The following SSX5 variants were observed in gnomAD, a reference collection of about 807,000 sequenced individuals.
SSX5 encodes the protein SSX family member 5.
Under a neutral mutation model 14.9 loss-of-function variants are expected in SSX5, and 14 were observed. The observed-to-expected ratio is 0.94, with a 90% CI of 0.62 to 1.47. The LOEUF is 1.47. Among genes scored for constraint, SSX5 ranks in the 40% most tolerant of loss-of-function variants. The pLI, the probability that SSX5 is intolerant of heterozygous loss-of-function variation, is 0.00. For synonymous variants in SSX5, 70 were observed against 55.4 expected (o/e 1.26, Z -1.17); for missense variants, 204 against 154.6 (o/e 1.32, Z -1.70).
chrX:48,196,236 T>A (rs2059440763), intron 1 of SSX5, among the ~76,000 whole-genome samples: 1 of 111,298 alleles, frequency 9.0e-6, no homozygotes, highest in Non-Finnish European at 1.9e-5. Flanking sequence ...ACCAGCCTGG[T>A]CAACATAGCG....
rs150335877 is a variant in SSX5, at chrX:48,188,761, A to C, written c.467-1030T>G. Among the ~76,000 whole-genome samples, 65 of 112,751 alleles carry C rather than the reference A, an allele frequency of 5.8e-4. No individual in the cohort carries two copies. The East Asian group carries it at 0.015, about 25-fold the overall frequency. ...TGAAAGCCAAGACAGGCTGAAAGCT[A>C]AGCCTCTTGCACCAAACAGCCAAGC... is the stretch of plus-strand genomic sequence containing the variant. On this transcript the variant is annotated intron_variant, in intron 6 of 7. Coordinates refer to ENST00000347757, the MANE Select transcript of SSX5 (RefSeq NM_175723.2).
intron 1 of SSX5, among the ~76,000 whole-genome samples, chrX:48,196,179 C>G (rs1444511096): frequency 1.8e-5 from 2 of 111,099 alleles, no homozygotes; most frequent in Admixed American, 1.9e-4. Context: ...CATCCCAGCA[C>G]TTTGGGAGGC....
intron 6 of SSX5, among the ~76,000 whole-genome samples, chrX:48,189,305 A>T (rs1288156147): frequency 8.9e-6 from 1 of 112,547 alleles, no homozygotes; most frequent in East Asian, 2.7e-4. Flanking sequence ...ACTTTGAAAG[A>T]AGTTCTACTG....
intron 4 of SSX5, among the ~76,000 whole-genome samples, chrX:48,192,835 G>A (rs1160289643): frequency 1.8e-5 from 2 of 112,517 alleles, no homozygotes; most frequent in Admixed American, 9.4e-5. Flanking sequence ...TTTAGTTGGC[G>A]AGTAATAGGT....
chrX:48,187,408 C>G (rs1168031116), intron 7 of SSX5, among the ~76,000 whole-genome samples: 1 of 110,290 alleles, frequency 9.1e-6, no homozygotes, highest in Non-Finnish European at 1.9e-5. Flanking sequence ...TGCAGTGAGC[C>G]GAGATCATGC....
chrX:48,190,066 C>T, intron 6 of SSX5, 67 bp downstream of exon 6: 8 of 1,185,187 alleles, frequency 6.7e-6, no homozygotes, highest in Non-Finnish European at 9.1e-6. Flanking sequence ...ATGCCACACA[C>T]CCAGTCCACA....
At position 48,192,231 on chromosome X, in the gene SSX5, C is replaced by T. The variant is rs781862163; in HGVS notation, c.330+1G>A. The T allele has an allele frequency of 8.3e-7, 1 of 1,209,216 alleles. No individual in the cohort carries two copies. ...GTCCTTTAGATTTGAGAGACACTCA[C>T]CTTCGGGAAGATTCCCTGGAGCCTG... On this transcript the variant is annotated splice_donor_variant, in intron 5 of 7. Coordinates refer to ENST00000347757, the MANE Select transcript of SSX5 (RefSeq NM_175723.2). LOFTEE classifies it high-confidence loss of function.
intron 1 of SSX5, among the ~76,000 whole-genome samples, chrX:48,195,717 CTG>C (rs2059438499): frequency 9.0e-6 from 1 of 111,119 alleles, no homozygotes; most frequent in South Asian, 3.9e-4. Context: ...AGAGATGTGA[CTG>C]TGTAATTTTA....
At position 48,187,603 on chromosome X, in the gene SSX5, G is replaced by A. The variant is rs782024248; in HGVS notation, c.*4+24C>T. 22 of 1,192,706 alleles carry A rather than the reference G, an allele frequency of 1.8e-5. No individual in the cohort carries two copies. In the African/African-American group the frequency reaches 3.9e-4, roughly 21 times the overall value. ...GAATAGCACATCTGCAAGGATGTGG[G>A]AGATGAGCCAAAGGTTCACTTACGG... is the stretch of plus-strand genomic sequence containing the variant. On this transcript the variant is annotated intron_variant, in intron 7 of 7. Transcript: ENST00000347757.
chrX:48,186,391 TG>T lies in SSX5; in HGVS notation c.*469del. The stretch of plus-strand genomic sequence containing the variant: ...GTGTGTGTGTGTGTGTGTGTGTGTG[TG>T]TGTGTGTGTGTGCGCGCGCGCGCGC... On this transcript the variant is annotated 3_prime_UTR_variant, in exon 8 of 8. Transcript: ENST00000347757. 4.2e-6 allele frequency: 1 copy of T among 236,514 alleles called. No homozygotes were observed. The highest frequency in any genetic ancestry group is 7.6e-6 in the Non-Finnish European group (1 of 131,538). 19.5% of individuals were successfully genotyped at this position (236,514 alleles called of 1,213,427 possible).
rs782698042 is a variant in SSX5, at chrX:48,192,219, G to C, written c.330+13C>G. 8.3e-7 allele frequency: 1 copy of C among 1,211,197 alleles called. No homozygotes were observed. Among genetic ancestry groups the C allele is most frequent in the East Asian group, 3.0e-5 (1 of 33,841 alleles). On this transcript the variant is annotated intron_variant, in intron 5 of 7. Transcript: ENST00000347757. ...AAAGGTTCTCTGGTCCTTTAGATTTGAGAGACACTCACCTTCGGGAAGATT... is the reference window on the plus strand; with the variant it reads ...AAAGGTTCTCTGGTCCTTTAGATTTCAGAGACACTCACCTTCGGGAAGATT...
At chrX:48,186,899 C>T in intron 7 of SSX5, 43 bp from the exon 8 acceptor site, 1 of 1,192,521 alleles carries the variant, frequency 8.4e-7, no homozygotes, top group Middle Eastern at 3.2e-4. Context: ...CAGTGAGTTC[C>T]CACCACATGA....
intron 4 of SSX5, among the ~76,000 whole-genome samples, chrX:48,193,747 C>T (rs1556925235): frequency 9.1e-6 from 1 of 110,103 alleles, no homozygotes; most frequent in Non-Finnish European, 1.9e-5. Flanking sequence ...GAAACTCCAT[C>T]TCAAAAACAA....
chrX:48,189,936 A>T lies in SSX5; in HGVS notation c.466+197T>A, dbSNP rs782093893. On this transcript the variant is annotated intron_variant, in intron 6 of 7. Coordinates refer to ENST00000347757, the MANE Select transcript of SSX5 (RefSeq NM_175723.2). ...AAATTTGGAAGACTTGCCCCAAGTC[A>T]CGTGGTTTTTTTATATGAATGACAA... Among the ~76,000 whole-genome samples, 4 of 112,014 alleles carry T rather than the reference A, an allele frequency of 3.6e-5. No homozygotes were observed. In the East Asian group the frequency reaches 1.1e-3, roughly 31 times the overall value.
chrX:48,193,838 C>T (rs1434988794), intron 4 of SSX5, among the ~76,000 whole-genome samples: 1 of 105,887 alleles, frequency 9.4e-6, no homozygotes, highest in Non-Finnish European at 1.9e-5. Context: ...GCCCTCCCTC[C>T]CTCCTCCACT....
At chrX:48,194,682 G>A in intron 3 of SSX5, 58 bp downstream of exon 3, 1 of 1,122,098 alleles carries the variant, frequency 8.9e-7, no homozygotes, top group Admixed American at 2.6e-5. Flanking sequence ...AATAGCCAAA[G>A]CTGGAAAAGG....
rs1351249553 is a variant in SSX5, at chrX:48,195,380, T to C, written c.-20-2A>G. On this transcript the variant is annotated splice_acceptor_variant, in intron 1 of 7. Transcript: ENST00000347757. LOFTEE classifies it low-confidence loss of function (5UTR_SPLICE). Reference sequence around the variant, plus strand: ...TCATGGCACCGGGAGCACTCTGTCCTACAAGAGAAACAGTCTGAGTCTTTC... The same window carrying C: ...TCATGGCACCGGGAGCACTCTGTCCCACAAGAGAAACAGTCTGAGTCTTTC... 1.7e-6 allele frequency: 2 copies of C among 1,205,845 alleles called. No individual in the cohort carries two copies. The highest frequency in any genetic ancestry group is 3.5e-5 in the African/African-American group (2 of 57,253).
In SSX5 at chrX:48,190,327, A is replaced by T. The variant is rs59526676; in HGVS notation, c.331-59T>A. 8.0e-3 allele frequency: 8,863 copies of T among 1,108,507 alleles called. 151 individuals carry two copies. Among genetic ancestry groups the T allele is most frequent in the East Asian group, 0.062 (1,929 of 31,271 alleles). The allele number at this position is 1,108,507 out of a possible 1,213,427, so 91.4% of individuals were successfully genotyped here. A position where few individuals can be genotyped will look rare whatever the true frequency, so the allele number is the denominator to read the frequency against. On this transcript the variant is annotated intron_variant, in intron 5 of 7. Transcript: ENST00000347757. Reference sequence around the variant, plus strand: ...CAGTGACATTTCTTTAGTGCTTTAGAGCTTACAAAGAATCTTCACATGCAT... The same window carrying T: ...CAGTGACATTTCTTTAGTGCTTTAGTGCTTACAAAGAATCTTCACATGCAT...
chrX:48,194,734 T>A lies in SSX5; in HGVS notation c.184+6A>T. The A allele has an allele frequency of 8.3e-7, 1 of 1,200,572 alleles. No homozygotes were observed. Among genetic ancestry groups the A allele is most frequent in the Non-Finnish European group, 1.1e-6 (1 of 887,587 alleles). ...CAGACTGTCTGTACCTAGAACTTTC[T>A]GTTACCTAGTTTAGTCATGGCCTCA... On this transcript the variant is annotated splice_donor_region_variant and intron_variant, in intron 3 of 7. Transcript: ENST00000347757.
Sources: allele counts gnomAD v4.1 joint callset (sites outside exome capture counted in the v4.1 genomes callset), GRCh38; gene constraint gnomAD v4.1.1; transcripts MANE v1.5; gene names NCBI Gene and HGNC (gene_info 2026-07-23, HGNC 2026-07-21).